The following TUT4 variants were observed in gnomAD, a reference collection of about 807,000 sequenced individuals.
TUT4 encodes the protein terminal uridylyl transferase 4.
TUT4 carries 36 observed loss-of-function variants against 192.2 expected under a neutral mutation model. The observed-to-expected ratio is 0.19, with a 90% confidence interval of 0.14 to 0.25. The LOEUF is 0.25. TUT4 is among the 10% of genes least tolerant of loss of function. The probability of loss-of-function intolerance (pLI) is 1.00; values close to 1 mark genes in which losing one functional copy is unlikely to be tolerated. For synonymous variants in TUT4, 618 were observed against 666.0 expected (o/e 0.93, Z 1.11); for missense variants, 1,493 against 1,957.2 (o/e 0.76, Z 4.47).
chr1:52,546,231 AAG>A (rs1372200764), intron 1 of TUT4, among the ~76,000 whole-genome samples: 1 of 152,232 alleles, frequency 6.6e-6, no homozygotes, highest in Non-Finnish European at 1.5e-5. Flanking sequence ...AAAGCAGGCT[AAG>A]AGATACTGTA....
At chr1:52,542,769 A>ATTTT (rs763735144) in intron 1 of TUT4, among the ~76,000 whole-genome samples, 9 of 148,776 alleles carry the variant, frequency 6.0e-5, no homozygotes, top group Non-Finnish European at 1.2e-4. Flanking sequence ...TTATTTATTT[A>ATTTT]TTTTTTTTTG....
intron 29 of TUT4, 173 bp from the exon 30 acceptor site, chr1:52,424,175 A>C: frequency 3.2e-6 from 2 of 630,022 alleles, no homozygotes; most frequent in African/African-American, 1.8e-5. Flanking sequence ...AGGGAAGGAA[A>C]TACCTGTATG....
chr1:52,446,818 C>A, intron 20 of TUT4, 151 bp from the exon 21 acceptor site: 1 of 582,728 alleles, frequency 1.7e-6, no homozygotes, highest in Non-Finnish European at 3.0e-6. Context: ...AATTTGATGC[C>A]AAGAAGTTAA....
chr1:52,552,363 G>A (rs545667228), intron 1 of TUT4, among the ~76,000 whole-genome samples: 1 of 152,146 alleles, frequency 6.6e-6, no homozygotes, highest in Non-Finnish European at 1.5e-5. Flanking sequence ...TTTCGACTGG[G>A]GGGCGGGGGA....
At chr1:52,464,315 C>T (rs558657362) in intron 16 of TUT4, among the ~76,000 whole-genome samples, 213 of 152,008 alleles carry the variant, frequency 1.4e-3, no homozygotes, top group South Asian at 4.8e-3. Flanking sequence ...AGTGCAGTGG[C>T]GTGACCTCGG....
chr1:52,507,925 C>T (rs1360392246), intron 4 of TUT4, among the ~76,000 whole-genome samples: 1 of 152,082 alleles, frequency 6.6e-6, no homozygotes, highest in Non-Finnish European at 1.5e-5. Context: ...ATTCTTATAC[C>T]TCAGCCTCCC....
rs1570135704 is a variant in TUT4, at chr1:52,431,000, A to G, written c.4711+13T>C. 3 of 1,541,762 alleles carry G rather than the reference A, an allele frequency of 1.9e-6. No homozygotes were observed. The highest frequency in any genetic ancestry group is 2.6e-6 in the Non-Finnish European group (3 of 1,143,544). ...AAGACATGCAGATAAAAAAGAAGAA[A>G]AGGAAAGGTTACCTGAATTCCCCAC... On this transcript the variant is annotated intron_variant, in intron 28 of 29. Transcript: ENST00000257177.
chr1:52,445,172 C>CTAAGT (rs1195882615), intron 24 of TUT4, among the ~76,000 whole-genome samples: 1 of 151,828 alleles, frequency 6.6e-6, no homozygotes, highest in East Asian at 1.9e-4. Context: ...GAAGCTAAAA[C>CTAAGT]CTCCTGCAGT....
At chr1:52,552,385 G>A (rs1689687045) in intron 1 of TUT4, among the ~76,000 whole-genome samples, 1 of 152,100 alleles carries the variant, frequency 6.6e-6, no homozygotes, top group Non-Finnish European at 1.5e-5. Context: ...AGAGAAGGCG[G>A]GCGAGCAAGA....
chr1:52,527,060 T>C (rs754079492), intron 1 of TUT4, among the ~76,000 whole-genome samples: 1 of 152,058 alleles, frequency 6.6e-6, no homozygotes, highest in Non-Finnish European at 1.5e-5. Context: ...TTATGTGCTA[T>C]AAATGAATCC....
chr1:52,538,045 G>A (rs1685429859), intron 1 of TUT4, among the ~76,000 whole-genome samples: 1 of 152,150 alleles, frequency 6.6e-6, no homozygotes, highest in South Asian at 2.1e-4. Flanking sequence ...AGAAAAGCCT[G>A]GGCAACATGG....
chr1:52,485,980 T>C (rs141755025), intron 9 of TUT4, among the ~76,000 whole-genome samples: 1 of 152,156 alleles, frequency 6.6e-6, no homozygotes, highest in Non-Finnish European at 1.5e-5. Flanking sequence ...ACATTTAAGA[T>C]TGCAACTCAA....
chr1:52,442,196 G>C (rs1457968223), intron 24 of TUT4, among the ~76,000 whole-genome samples: 3 of 144,548 alleles, frequency 2.1e-5, no homozygotes, highest in Non-Finnish European at 3.0e-5. Flanking sequence ...CAAAGTGTAT[G>C]CTAGAGAGCA....
At chr1:52,481,773 A>G (rs539026762) in intron 10 of TUT4, 31 bp downstream of exon 10, 67 of 1,557,912 alleles carry the variant, frequency 4.3e-5, no homozygotes, top group Non-Finnish European at 5.5e-5. Context: ...ATATATATAT[A>G]TGCATATATA....
rs539816456 is a variant in TUT4 at position 52,444,315 on chromosome 1, ATTATT to A, written c.3822+1467_3822+1471del. ...TTTTTGCATTGTTTCAAATTTTACT[ATTATT>A]TTATTTTTCTCCATTTTAATTATTA... On this transcript the variant is annotated intron_variant, in intron 24 of 29. Transcript: ENST00000257177. Among the ~76,000 whole-genome samples the A allele has an allele frequency of 1.5e-3, 222 of 152,232 alleles. 1 individual carries two copies. Among genetic ancestry groups the A allele is most frequent in the Non-Finnish European group, 2.6e-3 (178 of 67,992 alleles).
chr1:52,537,067 G>A (rs145513611), intron 1 of TUT4, among the ~76,000 whole-genome samples: 1,949 of 152,020 alleles, frequency 0.013, 40 homozygotes, highest in African/African-American at 0.044. Flanking sequence ...GGCTGAGGCA[G>A]GATAATCGCT....
At chr1:52,545,850 G>A (rs1016964946) in intron 1 of TUT4, among the ~76,000 whole-genome samples, 2 of 151,608 alleles carry the variant, frequency 1.3e-5, no homozygotes, top group African/African-American at 2.4e-5. Flanking sequence ...GGCCAGGCGC[G>A]ATGGCTCATG....
intron 2 of TUT4, among the ~76,000 whole-genome samples, chr1:52,523,626 A>C (rs576337192): frequency 3.6e-4 from 54 of 151,930 alleles, no homozygotes; most frequent in Middle Eastern, 3.4e-3. Context: ...AAAAAAAAAA[A>C]CCACCACTAT....
intron 27 of TUT4, chr1:52,431,769 A>G: frequency 5.3e-6 from 1 of 187,094 alleles, no homozygotes; most frequent in Non-Finnish European, 1.1e-5. Context: ...TCCCTCAACA[A>G]GTATTTATTG....
Sources: gnomAD v4.1 joint callset for allele counts (sites outside exome capture counted in the v4.1 genomes callset) on GRCh38, gnomAD v4.1.1 for gene constraint, MANE v1.5 for transcripts, NCBI Gene and HGNC (gene_info 2026-07-23, HGNC 2026-07-21) for gene names.